Variants in SNX25 observed in about 807,000 individuals in gnomAD.
SNX25 encodes sorting nexin-25.
A neutral mutation model predicts 113.7 loss-of-function variants in SNX25; 62 were observed. That is an observed-to-expected ratio of 0.55 (90% confidence interval 0.44 to 0.67). The LOEUF (loss-of-function observed/expected upper bound fraction) is 0.67. SNX25 is among the 30% of genes least tolerant of loss of function. The pLI is 0.00. For missense variants in SNX25, 1,014 were observed against 1,161.0 expected (o/e 0.87, Z 1.84); for synonymous variants, 421 against 436.2 (o/e 0.97, Z 0.43).
At chr4:185,310,165 G>A (rs1268088989) in intron 6 of SNX25, among the ~76,000 whole-genome samples, 5 of 152,128 alleles carry the variant, frequency 3.3e-5, no homozygotes, top group South Asian at 2.1e-4. Context: ...TTTATAGCCC[G>A]TGTTATAGGT....
intron 10 of SNX25, among the ~76,000 whole-genome samples, chr4:185,338,505 C>T (rs1021213779): frequency 6.6e-6 from 1 of 152,134 alleles, no homozygotes; most frequent in Non-Finnish European, 1.5e-5. Flanking sequence ...CCAGGTTGGT[C>T]TCCAACTCCT....
chr4:185,358,235 G>A (rs1382969003), intron 16 of SNX25, among the ~76,000 whole-genome samples: 1 of 152,136 alleles, frequency 6.6e-6, no homozygotes, highest in Non-Finnish European at 1.5e-5. Flanking sequence ...GTATCCACTG[G>A]GGTGTGTGTG....
intron 4 of SNX25, among the ~76,000 whole-genome samples, chr4:185,265,756 A>C (rs1357297107): frequency 2.6e-5 from 4 of 152,078 alleles, no homozygotes; most frequent in African/African-American, 7.2e-5. Context: ...TGCACTGTAC[A>C]TAATTGTATG....
intron 6 of SNX25, among the ~76,000 whole-genome samples, chr4:185,298,325 G>A (rs1306532323): frequency 1.3e-5 from 2 of 151,982 alleles, no homozygotes; most frequent in Admixed American, 6.6e-5. Flanking sequence ...CTAACCTCAG[G>A]TGACTCACCC....
rs199546139 is a variant in SNX25 at position 185,332,625 on chromosome 4, G to A, written c.1780G>A (p.Val594Met). ...GPRDEAGEEA[V>M]DDGTNQINEQ... The stretch of plus-strand genomic sequence containing the variant: ...AAGAGATGAGGCTGGTGAGGAAGCC[G>A]TGGATGATGGTACCAATCAGATCAA... Residue 594 changes from valine (V) to methionine (M), a missense_variant, in exon 10 of 19, where the codon GTG becomes ATG. Physicochemically the swap from Val to Met is conservative, Grantham distance 21. Transcript: ENST00000652585. 67 of 1,613,508 alleles carry A rather than the reference G, an allele frequency of 4.2e-5. No homozygotes were observed. The highest frequency in any genetic ancestry group is 1.6e-4 in the Middle Eastern group (1 of 6,078).
the SNX25 span, among the ~76,000 whole-genome samples, chr4:185,376,013 C>T: frequency 7.6e-4 from 115 of 152,082 alleles, no homozygotes; most frequent in Non-Finnish European, 1.1e-3. Context: ...TGAACAGCTG[C>T]CCAAATAGTC....
intron 3 of SNX25, among the ~76,000 whole-genome samples, chr4:185,263,279 T>A (rs1367997923): frequency 6.6e-6 from 1 of 152,136 alleles, no homozygotes; most frequent in Non-Finnish European, 1.5e-5. Flanking sequence ...AAATATATAT[T>A]TAAAAAAAGA....
intron 12 of SNX25, among the ~76,000 whole-genome samples, chr4:185,345,453 A>G (rs115989421): frequency 0.012 from 1,858 of 152,278 alleles, 37 homozygotes; most frequent in African/African-American, 0.042. Flanking sequence ...TCTTCGTACT[A>G]TGAATATATT....
chr4:185,339,410 T>C lies in SNX25; in HGVS notation c.1946T>C (p.Leu649Pro). Residue 649 changes from leucine (L) to proline (P), a missense_variant, in exon 11 of 19, where the codon CTA becomes CCA. By Grantham distance (98) the Leu-to-Pro change is moderately conservative (BLOSUM62 -3). Coordinates refer to ENST00000652585, the MANE Select transcript of SNX25 (RefSeq NM_001378034.2). ...TCCAAGTTGAAGGATGAAATAATCC[T>C]AATAGAGAAAGAACGCACAGACCTT... ...IVSKLKDEII[L>P]IEKERTDLQL... 6.2e-7 allele frequency: 1 copy of C among 1,614,098 alleles called. No homozygotes were observed. Among genetic ancestry groups the C allele is most frequent in the South Asian group, 1.1e-5 (1 of 91,086 alleles).
At chr4:185,314,713 C>A (rs2095057142) in intron 7 of SNX25, among the ~76,000 whole-genome samples, 1 of 150,592 alleles carries the variant, frequency 6.6e-6, no homozygotes, top group Non-Finnish European at 1.5e-5. Context: ...CAAAAATTAG[C>A]TGGGAGTGGT....
downstream of SNX25, chr4:185,364,525 T>C (rs2126766655): frequency 6.6e-6 from 1 of 152,340 alleles, no homozygotes; most frequent in East Asian, 1.9e-4. Context: ...TGCCCTAGGA[T>C]GTAACCTATG....
intron 5 of SNX25, among the ~76,000 whole-genome samples, chr4:185,275,236 A>T (rs1356415241): frequency 1.3e-5 from 2 of 152,226 alleles, no homozygotes; most frequent in Admixed American, 6.5e-5. Context: ...CTGACCCCTC[A>T]TTTGAAGATC....
chr4:185,347,593 C>T (rs1433006090), intron 13 of SNX25, among the ~76,000 whole-genome samples: 1 of 152,290 alleles, frequency 6.6e-6, no homozygotes, highest in East Asian at 1.9e-4. Flanking sequence ...GCCTAAGCCT[C>T]CCAAGTAGCT....
At chr4:185,282,207 G>A (rs879363014) in intron 5 of SNX25, among the ~76,000 whole-genome samples, 25 of 152,152 alleles carry the variant, frequency 1.6e-4, no homozygotes, top group Admixed American at 1.2e-3. Context: ...GTCCGGACAG[G>A]CTGGAGTGCA....
chr4:185,361,879 A>G, intron 16 of SNX25, 45 bp from the exon 17 acceptor site: 2 of 1,596,978 alleles, frequency 1.3e-6, no homozygotes, highest in Non-Finnish European at 1.7e-6. Context: ...AATAGAGTAC[A>G]CAATTTTTAA....
chr4:185,362,621 G>C lies in SNX25; in HGVS notation c.2844G>C (p.Gln948His). ...CACTTAATTTTTCAGATATGCTTCA[G>C]AGCCTTGTTGGACAGCAAAATGCCC... ...KLLENIPDML[Q>H]SLVGQQNARH... The change falls in exon 18 of 19, where the codon CAG becomes CAC. Residue 948 changes from glutamine (Q) to histidine (H), a missense_variant. Transcript: ENST00000652585. 6.2e-7 allele frequency: 1 copy of C among 1,613,986 alleles called. No individual in the cohort carries two copies. Among genetic ancestry groups the C allele is most frequent in the South Asian group, 1.1e-5 (1 of 91,072 alleles).
At chr4:185,377,055 CAA>C in the SNX25 span, 1 of 1,378,954 alleles carries the variant, frequency 7.3e-7, no homozygotes, top group African/African-American at 1.4e-5. Context: ...ATCAACCACA[CAA>C]TATGAATTTT....
intron 11 of SNX25, among the ~76,000 whole-genome samples, chr4:185,369,285 C>T (rs2095406306): frequency 8.3e-6 from 1 of 120,286 alleles, no homozygotes; most frequent in Non-Finnish European, 1.6e-5. Flanking sequence ...GTGGTGTGAT[C>T]TCGGCTCACT....
chr4:185,374,057 C>T, downstream of SNX25: 1 of 1,180,608 alleles, frequency 8.5e-7, no homozygotes. Context: ...CGACATTCCC[C>T]ACCATTTTCT....
Sources: gnomAD v4.1 joint callset for allele counts (sites outside exome capture counted in the v4.1 genomes callset) on GRCh38, gnomAD v4.1.1 for gene constraint, MANE v1.5 for transcripts, NCBI Gene and HGNC (gene_info 2026-07-23, HGNC 2026-07-21) for gene names.